The following LRRC3B variants were observed in gnomAD, a reference collection of about 807,000 sequenced individuals.
The protein encoded by LRRC3B is leucine-rich repeat-containing protein 3B.
In LRRC3B, 2 loss-of-function variants were observed where a neutral mutation model predicts 12.8. The ratio of observed to expected loss-of-function variants is 0.16; its 90% CI spans 0.06 to 0.49. The LOEUF is 0.49. Ranked by LOEUF, LRRC3B falls within the 20% of genes least tolerant of loss-of-function variation. LRRC3B has a pLI of 0.96. For missense variants in LRRC3B, 189 were observed against 319.4 expected (o/e 0.59, Z 3.11); for synonymous variants, 132 against 122.0 (o/e 1.08, Z -0.54).
At chr3:26,673,265 T>C (rs1021624256) in intron 1 of LRRC3B, among the ~76,000 whole-genome samples, 2 of 152,228 alleles carry the variant, frequency 1.3e-5, no homozygotes, top group Non-Finnish European at 2.9e-5. Flanking sequence ...TACAGTCTTT[T>C]ATTTCTCTTA....
chr3:26,710,704 C>G (rs1700731351), exon 2 of LRRC3B: 4 of 341,576 alleles, frequency 1.2e-5, no homozygotes, highest in Middle Eastern at 8.3e-4. Context: ...TTAGATCCAT[C>G]TCACTATTTA....
intron 1 of LRRC3B, among the ~76,000 whole-genome samples, chr3:26,697,494 C>A (rs761420080): frequency 2.4e-4 from 37 of 152,108 alleles, no homozygotes; most frequent in Non-Finnish European, 2.1e-4. Flanking sequence ...ATCTCAAGAT[C>A]CTTAATTTAA....
At chr3:26,661,377 C>G (rs1465288410) in intron 1 of LRRC3B, among the ~76,000 whole-genome samples, 3 of 152,152 alleles carry the variant, frequency 2.0e-5, no homozygotes, top group South Asian at 2.1e-4. Flanking sequence ...GCTAATAAAT[C>G]AGAGGATGAC....
intron 1 of LRRC3B, among the ~76,000 whole-genome samples, chr3:26,639,524 A>AAATTT (rs386396200): frequency 4.3e-4 from 54 of 124,550 alleles, no homozygotes; most frequent in Admixed American, 2.1e-3. Context: ...AAATTAAATT[A>AAATTT]AATTTAAATC....
At chr3:26,669,497 TAAG>T (rs1699676202) in intron 1 of LRRC3B, among the ~76,000 whole-genome samples, 1 of 152,214 alleles carries the variant, frequency 6.6e-6, no homozygotes, top group African/African-American at 2.4e-5. Context: ...ATTTGTGAAA[TAAG>T]GAGATGAATA....
intron 1 of LRRC3B, among the ~76,000 whole-genome samples, chr3:26,665,922 T>C (rs183283665): frequency 6.6e-6 from 1 of 152,206 alleles, no homozygotes; most frequent in Non-Finnish European, 1.5e-5. Flanking sequence ...TTTAATGTTG[T>C]AATTACATCT....
chr3:26,664,023 C>T (rs945311601), intron 1 of LRRC3B, among the ~76,000 whole-genome samples: 1 of 152,106 alleles, frequency 6.6e-6, no homozygotes, highest in Admixed American at 6.5e-5. Context: ...CTGTCACCCA[C>T]CAAATAAAGC....
intron 1 of LRRC3B, among the ~76,000 whole-genome samples, chr3:26,645,008 A>G (rs754461201): frequency 1.3e-5 from 2 of 152,220 alleles, no homozygotes; most frequent in South Asian, 4.1e-4. Context: ...ACATATATGC[A>G]TAGATACAGA....
chr3:26,696,576 C>T (rs1700323785), intron 1 of LRRC3B, among the ~76,000 whole-genome samples: 2 of 152,162 alleles, frequency 1.3e-5, no homozygotes, highest in South Asian at 2.1e-4. Context: ...CCTTCTTGAA[C>T]CTGTTGTCCC....
At chr3:26,638,187 C>T (rs554466488) in intron 1 of LRRC3B, among the ~76,000 whole-genome samples, 67 of 152,058 alleles carry the variant, frequency 4.4e-4, no homozygotes, top group African/African-American at 1.3e-3. Flanking sequence ...TTGACCAATA[C>T]TTGTTTCTAT....
chr3:26,635,648 C>G (rs1397653006), intron 1 of LRRC3B, among the ~76,000 whole-genome samples: 5 of 152,210 alleles, frequency 3.3e-5, no homozygotes, highest in Admixed American at 3.3e-4. Context: ...TTGTTTAAGC[C>G]AACCAGTCTA....
At chr3:26,673,469 G>T (rs1021569065) in intron 1 of LRRC3B, among the ~76,000 whole-genome samples, 1 of 152,214 alleles carries the variant, frequency 6.6e-6, no homozygotes, top group Admixed American at 6.5e-5. Flanking sequence ...TTGTTCAACT[G>T]CTTGGGGAGG....
In LRRC3B at chr3:26,668,663, T is replaced by G. The variant is rs75733877; in HGVS notation, c.-160-40850T>G. Among the ~76,000 whole-genome samples the G allele has an allele frequency of 8.4e-3, 1,281 of 152,322 alleles. 20 individuals carry two copies. Among genetic ancestry groups the G allele is most frequent in the African/African-American group, 0.028 (1,167 of 41,568 alleles). On this transcript the variant is annotated intron_variant, in intron 1 of 1. Transcript: ENST00000396641. The stretch of plus-strand genomic sequence containing the variant: ...AGACCTTTTGTTAACTTTTTTGCTT[T>G]GCTTTTTTGTTGTTTATTTTTACTA...
At position 26,671,346 on chromosome 3, in the gene LRRC3B, G is replaced by GTATATATATATATA. The variant is rs1186942021; in HGVS notation, c.-160-38166_-160-38165insATATATATATATAT. On this transcript the variant is annotated intron_variant, in intron 1 of 1. Coordinates refer to ENST00000396641, the Ensembl canonical transcript of LRRC3B. ...ATCTTATAAATGTGTGTGTATATAT[G>GTATATATATATATA]TGTGTATATATATATATATATATAT... 3.0e-4 allele frequency among the ~76,000 whole-genome samples: 17 copies of GTATATATATATATA among 56,356 alleles called. 1 individual carries two copies. The highest frequency in any genetic ancestry group is 7.1e-4 in the South Asian group (1 of 1,410). 37.0% of individuals were successfully genotyped at this position (56,356 alleles called of 152,430 possible).
At chr3:26,640,471 G>A (rs28542476) in intron 1 of LRRC3B, among the ~76,000 whole-genome samples, 3,511 of 133,368 alleles carry the variant, frequency 0.026, 115 homozygotes, top group African/African-American at 0.1. Flanking sequence ...ACAAACAAAT[G>A]AAAACGCTGC....
At chr3:26,632,468 A>T (rs73148417) in intron 1 of LRRC3B, among the ~76,000 whole-genome samples, 6,618 of 152,192 alleles carry the variant, frequency 0.043, 355 homozygotes, top group East Asian at 0.17. Context: ...ATCAGAAAGA[A>T]ACCTATAATT....
chr3:26,654,643 C>T (rs1446165922), intron 1 of LRRC3B, among the ~76,000 whole-genome samples: 4 of 152,114 alleles, frequency 2.6e-5, no homozygotes, highest in Non-Finnish European at 4.4e-5. Context: ...TGTAGTGGGA[C>T]AGTGCAAAGT....
chr3:26,653,602 T>C (rs1699309437), intron 1 of LRRC3B, among the ~76,000 whole-genome samples: 4 of 152,044 alleles, frequency 2.6e-5, no homozygotes, highest in Admixed American at 2.6e-4. Flanking sequence ...AAGCTGACAA[T>C]GTCCTTTAAA....
intron 1 of LRRC3B, among the ~76,000 whole-genome samples, chr3:26,643,722 T>C (rs1018166315): frequency 6.6e-6 from 1 of 152,162 alleles, no homozygotes; most frequent in Non-Finnish European, 1.5e-5. Context: ...TTCAATCTTG[T>C]CTGTTGAATG....
Sources: gnomAD v4.1 joint callset for allele counts (sites outside exome capture counted in the v4.1 genomes callset) on GRCh38, gnomAD v4.1.1 for gene constraint, MANE v1.5 for transcripts, NCBI Gene and HGNC (gene_info 2026-07-23, HGNC 2026-07-21) for gene names.